Variants in PIP5K1A observed in about 807,000 individuals in gnomAD.
The protein encoded by PIP5K1A is phosphatidylinositol 4-phosphate 5-kinase type-1 alpha.
In PIP5K1A, 46 loss-of-function variants were observed where a neutral mutation model predicts 72.9. The ratio of observed to expected loss-of-function variants is 0.63; its 90% CI spans 0.50 to 0.81. PIP5K1A has a LOEUF of 0.81. PIP5K1A is among the 30% of genes least tolerant of loss of function. The pLI is 0.00. For missense variants in PIP5K1A, 458 were observed against 706.1 expected (o/e 0.65, Z 3.98); for synonymous variants, 228 against 255.1 (o/e 0.89, Z 1.01).
intron 1 of PIP5K1A, among the ~76,000 whole-genome samples, chr1:151,201,055 C>T (rs949495707): frequency 5.9e-5 from 9 of 152,122 alleles, no homozygotes; most frequent in African/African-American, 9.7e-5. Flanking sequence ...AGGATGGTCT[C>T]GATCTCCTGA....
At chr1:151,243,129 G>A (rs1388288728) in intron 14 of PIP5K1A, among the ~76,000 whole-genome samples, 2 of 152,234 alleles carry the variant, frequency 1.3e-5, no homozygotes, top group Non-Finnish European at 2.9e-5. Context: ...ACCCATGGGT[G>A]TGAATACCAG....
intron 1 of PIP5K1A, among the ~76,000 whole-genome samples, chr1:151,218,632 G>C (rs1045720466): frequency 4.0e-5 from 6 of 151,818 alleles, no homozygotes; most frequent in African/African-American, 1.4e-4. Context: ...TCAAGAGATC[G>C]AGACCATCCT....
chr1:151,232,431 C>T (rs1690232448), intron 6 of PIP5K1A, 66 bp downstream of exon 6: 1 of 1,492,910 alleles, frequency 6.7e-7, no homozygotes, highest in Admixed American at 1.7e-5. Flanking sequence ...AGGAAGGCCC[C>T]TTTTCTCCAC....
At chr1:151,219,461 C>T (rs1054429278) in intron 1 of PIP5K1A, among the ~76,000 whole-genome samples, 12 of 148,066 alleles carry the variant, frequency 8.1e-5, no homozygotes, top group South Asian at 2.1e-4. Context: ...CTGAGGCGGG[C>T]GGGTCATCTG....
At position 151,248,287 on chromosome 1, in the gene PIP5K1A, C is replaced by T. The variant is rs1692780054; in HGVS notation, c.*422C>T. On this transcript the variant is annotated 3_prime_UTR_variant, in exon 16 of 16. Transcript: ENST00000368888. ...AGGACAGACTAGCTGGCACATTATC[C>T]CTACCTTAGTTCTTTCTCTCTGACT... 1 of 183,620 alleles carries T rather than the reference C, an allele frequency of 5.4e-6. No homozygotes were observed. The highest frequency in any genetic ancestry group is 1.1e-5 in the Non-Finnish European group (1 of 87,792). 11.4% of individuals were successfully genotyped at this position (183,620 alleles called of 1,614,324 possible).
intron 1 of PIP5K1A, among the ~76,000 whole-genome samples, chr1:151,201,859 C>G (rs1254343063): frequency 2.0e-5 from 3 of 151,870 alleles, no homozygotes; most frequent in Admixed American, 6.6e-5. Flanking sequence ...AAGACTCTGT[C>G]TCAAAACAAA....
At chr1:151,228,030 C>T (rs1223120524) in intron 4 of PIP5K1A, among the ~76,000 whole-genome samples, 2 of 152,198 alleles carry the variant, frequency 1.3e-5, no homozygotes, top group African/African-American at 4.8e-5. Flanking sequence ...CCATGTCTCT[C>T]GCAGTCTTTC....
chr1:151,211,827 G>A (rs1686851018), intron 1 of PIP5K1A, among the ~76,000 whole-genome samples: 1 of 149,772 alleles, frequency 6.7e-6, no homozygotes, highest in African/African-American at 2.5e-5. Flanking sequence ...AAAAAGGCCG[G>A]GTGCGGTGGC....
intron 1 of PIP5K1A, among the ~76,000 whole-genome samples, chr1:151,216,900 G>GTTTTTTTTTTTT (rs78155966): frequency 2.9e-5 from 4 of 136,782 alleles, no homozygotes; most frequent in African/African-American, 1.1e-4. Flanking sequence ...CTTAGTAAAT[G>GTTTTTTTTTTTT]TTTTTTTTTT....
At chr1:151,201,045 AG>A (rs1206202006) in intron 1 of PIP5K1A, among the ~76,000 whole-genome samples, 1 of 152,266 alleles carries the variant, frequency 6.6e-6, no homozygotes, top group South Asian at 2.1e-4. Flanking sequence ...CGTGTTAGCC[AG>A]GATGGTCTCG....
At position 151,212,952 on chromosome 1, in the gene PIP5K1A, G is replaced by A. The variant is rs1414805092; in HGVS notation, c.86-11293G>A. On this transcript the variant is annotated intron_variant, in intron 1 of 15. Transcript: ENST00000368888. ...GTCGCCCAGGCTGGAGTGCAGTGGCGTGATCTCGGCTCACTGCAAAGTTCG... is the reference window on the plus strand; with the variant it reads ...GTCGCCCAGGCTGGAGTGCAGTGGCATGATCTCGGCTCACTGCAAAGTTCG... Among the ~76,000 whole-genome samples, 5 of 140,526 alleles carry A rather than the reference G, an allele frequency of 3.6e-5. No homozygotes were observed. The South Asian group carries it at 6.8e-4, about 19-fold the overall frequency. The allele number at this position is 140,526 out of a possible 152,430, so 92.2% of individuals were successfully genotyped here.
intron 1 of PIP5K1A, among the ~76,000 whole-genome samples, chr1:151,199,574 A>T (rs587633270): frequency 6.6e-6 from 1 of 151,810 alleles, no homozygotes; most frequent in South Asian, 2.1e-4. Flanking sequence ...AGATTGGGCC[A>T]CTGCTCTCCA....
chr1:151,203,696 C>T (rs1362065649), intron 1 of PIP5K1A, among the ~76,000 whole-genome samples: 1 of 151,836 alleles, frequency 6.6e-6, no homozygotes, highest in Non-Finnish European at 1.5e-5. Flanking sequence ...TGGTGGCACA[C>T]TCCTGTAGTC....
At chr1:151,235,240 G>T (rs587646956) in intron 8 of PIP5K1A, among the ~76,000 whole-genome samples, 8 of 151,994 alleles carry the variant, frequency 5.3e-5, no homozygotes, top group African/African-American at 1.9e-4. Context: ...CCATCACCAC[G>T]CCTGGGTCGT....
At position 151,198,907 on chromosome 1, in the gene PIP5K1A, G is replaced by C; in HGVS notation, c.-90G>C. 7.6e-7 allele frequency: 1 copy of C among 1,317,328 alleles called. No homozygotes were observed. The highest frequency in any genetic ancestry group is 1.7e-5 in the Admixed American group (1 of 57,562). 81.6% of individuals were successfully genotyped at this position (1,317,328 alleles called of 1,614,324 possible). ...AGGTGGCCCACAGAACGCGGGTTCTGTAAAGAGACGTTGGGAAGATTCGAT... is the reference window on the plus strand; with the variant it reads ...AGGTGGCCCACAGAACGCGGGTTCTCTAAAGAGACGTTGGGAAGATTCGAT... On this transcript the variant is annotated 5_prime_UTR_variant, in exon 1 of 16. Transcript: ENST00000368888.
At chr1:151,232,187 A>G in intron 5 of PIP5K1A, 61 bp from the exon 6 acceptor site, 1 of 1,106,854 alleles carries the variant, frequency 9.0e-7, no homozygotes, top group South Asian at 1.2e-5. Context: ...TGTCTTCGCA[A>G]GGTAGATTCT....
At chr1:151,216,789 A>G (rs587694403) in intron 1 of PIP5K1A, among the ~76,000 whole-genome samples, 1 of 152,168 alleles carries the variant, frequency 6.6e-6, no homozygotes, top group Non-Finnish European at 1.5e-5. Context: ...TTGAATTCTC[A>G]TAACAACCTT....
At position 151,247,908 on chromosome 1, in the gene PIP5K1A, T is replaced by A; in HGVS notation, c.*43T>A. 5.1e-6 allele frequency: 8 copies of A among 1,582,040 alleles called. No individual in the cohort carries two copies. Among genetic ancestry groups the A allele is most frequent in the Non-Finnish European group, 7.0e-6 (8 of 1,150,816 alleles). The stretch of plus-strand genomic sequence containing the variant: ...ACCTGGAACAAGATTCTGCCATCTC[T>A]GTGATCCCAAGATGTCAGCCCTTGC... On this transcript the variant is annotated 3_prime_UTR_variant, in exon 16 of 16. Coordinates refer to ENST00000368888, the MANE Select transcript of PIP5K1A (RefSeq NM_001135638.2).
Position 151,198,953 on chromosome 1 carries a change from G to T in PIP5K1A, c.-44G>T. On this transcript the variant is annotated 5_prime_UTR_variant, in exon 1 of 16. Transcript: ENST00000368888. ...TCGATTCCGAGAAGAGGAAGAACCG[G>T]ATTGAAAGAGAGCCAGGCCGCTGAG... 1 of 1,562,610 alleles carries T rather than the reference G, an allele frequency of 6.4e-7. No individual in the cohort carries two copies. Among genetic ancestry groups the T allele is most frequent in the South Asian group, 1.1e-5 (1 of 90,098 alleles).
Sources: gnomAD v4.1 joint callset for allele counts (sites outside exome capture counted in the v4.1 genomes callset) on GRCh38, gnomAD v4.1.1 for gene constraint, MANE v1.5 for transcripts, NCBI Gene and HGNC (gene_info 2026-07-23, HGNC 2026-07-21) for gene names.